Variants in SRBD1 observed in about 807,000 individuals in gnomAD.
SRBD1 encodes the protein S1 RNA binding domain 1.
In SRBD1, 88 loss-of-function variants were observed where a neutral mutation model predicts 115.3. The observed-to-expected ratio is 0.76, with a 90% CI of 0.64 to 0.91. The LOEUF (loss-of-function observed/expected upper bound fraction) is 0.91, where lower values mean the gene tolerates loss of function less well. SRBD1 is among the 40% of genes least tolerant of loss of function. The pLI, the probability that SRBD1 is intolerant of heterozygous loss-of-function variation, is 0.00. For synonymous variants in SRBD1, 509 were observed against 407.7 expected (o/e 1.25, Z -2.99); for missense variants, 1,385 against 1,177.4 (o/e 1.18, Z -2.58).
intron 19 of SRBD1, among the ~76,000 whole-genome samples, chr2:45,412,413 T>C (rs1421250073): frequency 6.6e-6 from 1 of 152,128 alleles, no homozygotes; most frequent in Non-Finnish European, 1.5e-5. Flanking sequence ...TAATGACATT[T>C]ACTAAAATAA....
At chr2:45,450,262 A>G (rs1668953375) in intron 16 of SRBD1, among the ~76,000 whole-genome samples, 1 of 152,176 alleles carries the variant, frequency 6.6e-6, no homozygotes. Context: ...GTATAATGAG[A>G]AGATAGCGAA....
At chr2:45,590,789 T>C (rs1673697282) in intron 4 of SRBD1, among the ~76,000 whole-genome samples, 1 of 151,888 alleles carries the variant, frequency 6.6e-6, no homozygotes, top group South Asian at 2.1e-4. Context: ...GGCCGAGGCG[T>C]GCGGATAACC....
At chr2:45,430,233 C>G (rs182589767) in intron 16 of SRBD1, among the ~76,000 whole-genome samples, 1 of 152,204 alleles carries the variant, frequency 6.6e-6, no homozygotes, top group African/African-American at 2.4e-5. Context: ...TTTATAGATT[C>G]AATGCTATCC....
At chr2:45,587,038 T>TA (rs1386666632) in intron 4 of SRBD1, among the ~76,000 whole-genome samples, 1,925 of 59,122 alleles carry the variant, frequency 0.033, 88 homozygotes, top group Non-Finnish European at 0.04. Context: ...TATTTAAAAA[T>TA]TTTTAAATAT....
intron 16 of SRBD1, among the ~76,000 whole-genome samples, chr2:45,468,582 T>C (rs1452282611): frequency 6.6e-6 from 1 of 152,028 alleles, no homozygotes; most frequent in Non-Finnish European, 1.5e-5. Context: ...AGAGATGACG[T>C]CTCACTATGT....
chr2:45,457,828 G>A (rs764023426), intron 16 of SRBD1, among the ~76,000 whole-genome samples: 3 of 151,804 alleles, frequency 2.0e-5, no homozygotes, highest in African/African-American at 4.8e-5. Flanking sequence ...AAGGACTTAT[G>A]CTTTTAGAAA....
At chr2:45,517,001 C>T (rs1325365646) in intron 14 of SRBD1, among the ~76,000 whole-genome samples, 1 of 152,088 alleles carries the variant, frequency 6.6e-6, no homozygotes, top group Admixed American at 6.6e-5. Context: ...TTTACTAATC[C>T]TTAAATTTTA....
intron 14 of SRBD1, among the ~76,000 whole-genome samples, chr2:45,508,261 T>C (rs1253332055): frequency 6.6e-6 from 1 of 152,020 alleles, no homozygotes; most frequent in African/African-American, 2.4e-5. Context: ...ACTTAATACA[T>C]ACTGAACACC....
At chr2:45,467,674 A>C (rs1177218853) in intron 16 of SRBD1, among the ~76,000 whole-genome samples, 2 of 152,198 alleles carry the variant, frequency 1.3e-5, no homozygotes, top group Non-Finnish European at 2.9e-5. Flanking sequence ...AAAGCATTTG[A>C]CTTCGTGCAA....
intron 14 of SRBD1, among the ~76,000 whole-genome samples, chr2:45,534,687 C>T (rs749345108): frequency 7.2e-5 from 11 of 151,874 alleles, no homozygotes; most frequent in Admixed American, 2.0e-4. Context: ...ACTTGTGAAA[C>T]GGAAAATACT....
intron 14 of SRBD1, among the ~76,000 whole-genome samples, chr2:45,544,963 C>G (rs1254457724): frequency 6.6e-6 from 1 of 152,048 alleles, no homozygotes; most frequent in Non-Finnish European, 1.5e-5. Flanking sequence ...CTCTTCAAAA[C>G]CTACATAACT....
intron 5 of SRBD1, 122 bp downstream of exon 5, chr2:45,585,486 G>T: frequency 9.2e-7 from 1 of 1,085,940 alleles, no homozygotes; most frequent in Non-Finnish European, 1.3e-6. Context: ...ACTATATCCA[G>T]ATTACAATAA....
intron 16 of SRBD1, among the ~76,000 whole-genome samples, chr2:45,442,700 T>C (rs771881301): frequency 5.9e-5 from 9 of 152,196 alleles, no homozygotes; most frequent in Non-Finnish European, 1.2e-4. Flanking sequence ...GAATATTCTA[T>C]TGGAGTAAAT....
In SRBD1 at chr2:45,418,726, A is replaced by G. The variant is rs76409289; in HGVS notation, c.2157-185T>C. Among the ~76,000 whole-genome samples the G allele has an allele frequency of 6.7e-3, 1,023 of 152,076 alleles. 13 individuals carry two copies. The highest frequency in any genetic ancestry group is 0.023 in the African/African-American group (975 of 41,512). ...GAGAAAAAAAGAGTTGTGCAAGAGG[A>G]AAGAAGGACAACAGAATAAAAAAAT... On this transcript the variant is annotated intron_variant, in intron 17 of 20. Coordinates refer to ENST00000263736, the MANE Select transcript of SRBD1 (RefSeq NM_018079.5).
At chr2:45,604,104 A>G (rs6707748) in intron 2 of SRBD1, among the ~76,000 whole-genome samples, 44,134 of 151,842 alleles carry the variant, frequency 0.29, 7,910 homozygotes, top group African/African-American at 0.52. Context: ...TCACTTTCAC[A>G]TCTAGAATCC....
chr2:45,449,444 T>A (rs992060135), intron 16 of SRBD1, among the ~76,000 whole-genome samples: 2 of 152,200 alleles, frequency 1.3e-5, no homozygotes, highest in African/African-American at 4.8e-5. Context: ...TATTTAAAAG[T>A]AATTTTGATT....
At chr2:45,492,055 G>A (rs964377222) in intron 14 of SRBD1, among the ~76,000 whole-genome samples, 4 of 152,108 alleles carry the variant, frequency 2.6e-5, no homozygotes, top group South Asian at 4.1e-4. Context: ...TCCCAACCTC[G>A]GGTGATCCAC....
rs572059048 is a variant in SRBD1 at position 45,605,951 on chromosome 2, T to C, written c.1-510A>G. Among the ~76,000 whole-genome samples, 7 of 150,194 alleles carry C rather than the reference T, an allele frequency of 4.7e-5. No homozygotes were observed. In the East Asian group the frequency reaches 7.8e-4, roughly 17 times the overall value. On this transcript the variant is annotated intron_variant, in intron 1 of 20. Coordinates refer to ENST00000263736, the MANE Select transcript of SRBD1 (RefSeq NM_018079.5). ...AAAAGAGTAGCTAACAGCCTTCCAA[T>C]GGTTTAAAACTCTTAAGAGTATGGG...
At chr2:45,550,347 T>C (rs1672257497) in intron 12 of SRBD1, among the ~76,000 whole-genome samples, 1 of 151,982 alleles carries the variant, frequency 6.6e-6, no homozygotes, top group South Asian at 2.1e-4. Flanking sequence ...AACCCATACA[T>C]ACACACCCAC....
Sources: gnomAD v4.1 joint callset for allele counts (sites outside exome capture counted in the v4.1 genomes callset) on GRCh38, gnomAD v4.1.1 for gene constraint, MANE v1.5 for transcripts, NCBI Gene and HGNC (gene_info 2026-07-23, HGNC 2026-07-21) for gene names.